Variants in KYNU observed in about 807,000 individuals in gnomAD.
The protein encoded by KYNU is L-kynurenine hydrolase.
KYNU carries 54 observed loss-of-function variants against 59.2 expected under a neutral mutation model. The ratio of observed to expected loss-of-function variants is 0.91; its 90% CI spans 0.73 to 1.14. KYNU has a LOEUF of 1.14. Among genes scored for constraint, KYNU ranks in the 50% most tolerant of loss-of-function variants. The pLI is 0.00. For missense variants in KYNU, 567 were observed against 554.4 expected, an observed-to-expected ratio of 1.02 and a Z score of -0.23; for synonymous variants, 177 against 192.0, an observed-to-expected ratio of 0.92 and a Z score of 0.65.
intron 2 of KYNU, among the ~76,000 whole-genome samples, chr2:142,892,923 C>A (rs1681758939): frequency 6.6e-6 from 1 of 152,158 alleles, no homozygotes; most frequent in Non-Finnish European, 1.5e-5. Flanking sequence ...AATGTGTGTG[C>A]ACTCTCCCTT....
At chr2:142,931,806 A>G (rs1402674017) in intron 4 of KYNU, among the ~76,000 whole-genome samples, 1 of 152,156 alleles carries the variant, frequency 6.6e-6, no homozygotes, top group Non-Finnish European at 1.5e-5. Context: ...AACCTACTTC[A>G]TATTTAGAGA....
At chr2:143,023,327 G>C (rs1686459692) in intron 10 of KYNU, among the ~76,000 whole-genome samples, 2 of 151,786 alleles carry the variant, frequency 1.3e-5, no homozygotes, top group Admixed American at 1.3e-4. Context: ...ATTATACTCA[G>C]ATACCATGGT....
At chr2:143,012,304 T>A (rs1029113136) in intron 10 of KYNU, among the ~76,000 whole-genome samples, 2 of 151,722 alleles carry the variant, frequency 1.3e-5, no homozygotes, top group African/African-American at 4.8e-5. Flanking sequence ...CAGTATGACA[T>A]AGCTCCATCT....
In KYNU at chr2:143,038,211, C is replaced by A. The variant is rs1686940950; in HGVS notation, c.1042-2217C>A. Among the ~76,000 whole-genome samples the A allele has an allele frequency of 1.3e-5, 2 of 152,098 alleles. 1 individual carries two copies. Among genetic ancestry groups the A allele is most frequent in the Admixed American group, 1.3e-4 (2 of 15,264 alleles). The stretch of plus-strand genomic sequence containing the variant: ...ACATATTAGGGCACCCATAGCATAA[C>A]CACAAAATTTCCTAGAATTATTTAT... On this transcript the variant is annotated intron_variant, in intron 12 of 13. Transcript: ENST00000264170.
At chr2:142,929,650 G>C (rs1383857040) in intron 4 of KYNU, among the ~76,000 whole-genome samples, 1 of 152,188 alleles carries the variant, frequency 6.6e-6, no homozygotes, top group Non-Finnish European at 1.5e-5. Context: ...GAGAGGAGGG[G>C]ACAGGCGCAC....
intron 2 of KYNU, among the ~76,000 whole-genome samples, chr2:142,895,648 G>A (rs949742450): frequency 2.6e-5 from 4 of 151,962 alleles, no homozygotes; most frequent in African/African-American, 7.3e-5. Flanking sequence ...AGATCAGATA[G>A]TAAATATTTC....
intron 10 of KYNU, among the ~76,000 whole-genome samples, chr2:142,995,329 T>C (rs777114098): frequency 2.6e-5 from 4 of 152,062 alleles, no homozygotes; most frequent in Middle Eastern, 3.2e-3. Context: ...ACTGGACATA[T>C]TAGAACAAGC....
chr2:143,039,023 C>A (rs892775142), intron 12 of KYNU, among the ~76,000 whole-genome samples: 5 of 152,188 alleles, frequency 3.3e-5, no homozygotes, highest in Admixed American at 3.3e-4. Context: ...GCCAGAAAAG[C>A]ACATCTGTTC....
chr2:142,927,992 A>G (rs1372861436), intron 4 of KYNU, among the ~76,000 whole-genome samples: 1 of 152,170 alleles, frequency 6.6e-6, no homozygotes, highest in African/African-American at 2.4e-5. Flanking sequence ...TTTAAATGTA[A>G]TATTTATCAC....
Position 142,879,932 on chromosome 2 carries a change from C to T in KYNU, c.-20+2196C>T, listed in dbSNP as rs192064388. On this transcript the variant is annotated intron_variant, in intron 1 of 13. Transcript: ENST00000264170. ...AGAGTTTAAAGTCACCTCCAATCAA[C>T]TCAAAGGGCTGACCTCCCAAAGAAA... Among the ~76,000 whole-genome samples, 1,158 of 151,710 alleles carry T rather than the reference C, an allele frequency of 7.6e-3. 13 individuals are homozygous for T. Among genetic ancestry groups the T allele is most frequent in the African/African-American group, 0.027 (1,114 of 41,362 alleles).
intron 2 of KYNU, among the ~76,000 whole-genome samples, chr2:142,900,655 C>T (rs2104944538): frequency 6.6e-6 from 1 of 152,278 alleles, no homozygotes; most frequent in Non-Finnish European, 1.5e-5. Flanking sequence ...TCTTAGTCGG[C>T]CTAGGAAATC....
At chr2:142,998,630 G>A (rs985114176) in intron 10 of KYNU, among the ~76,000 whole-genome samples, 1 of 152,088 alleles carries the variant, frequency 6.6e-6, no homozygotes, top group Non-Finnish European at 1.5e-5. Flanking sequence ...TTTGAAGAAA[G>A]GCAACTCCTT....
rs1332040911 is a variant in KYNU at position 142,918,648 on chromosome 2, A to G, written c.209A>G (p.Tyr70Cys). The change falls in exon 3 of 14, where the codon TAT becomes TGT. Residue 70 changes from tyrosine (Y) to cysteine (C), a missense_variant. Transcript: ENST00000264170. ...SLVNKDENAI[Y>C]FLGNSLGLQP... ...GTGAATAAAGATGAAAATGCCATCTATTTCTTGGGAAATTCTCTTGGCCTT... is the reference window on the plus strand; with the variant it reads ...GTGAATAAAGATGAAAATGCCATCTGTTTCTTGGGAAATTCTCTTGGCCTT... 3 of 1,607,766 alleles carry G rather than the reference A, an allele frequency of 1.9e-6. No homozygotes were observed. In the South Asian group the frequency reaches 3.3e-5, roughly 18 times the overall value.
intron 2 of KYNU, among the ~76,000 whole-genome samples, chr2:142,900,415 C>T (rs1275645155): frequency 6.6e-6 from 1 of 152,110 alleles, no homozygotes; most frequent in Non-Finnish European, 1.5e-5. Context: ...GGGAGGGGAC[C>T]CAAAGAGGGT....
intron 11 of KYNU, among the ~76,000 whole-genome samples, chr2:143,030,365 C>T (rs1303469047): frequency 6.6e-6 from 1 of 152,218 alleles, no homozygotes; most frequent in Non-Finnish European, 1.5e-5. Context: ...TTCTCAATCA[C>T]ATGGGATGCA....
chr2:142,986,614 A>G (rs960822), intron 10 of KYNU, among the ~76,000 whole-genome samples: 71,975 of 151,558 alleles, frequency 0.47, 17,735 homozygotes, highest in East Asian at 0.71. Flanking sequence ...AAATGCAAAT[A>G]TAATACACCA....
chr2:143,040,692 C>T, intron 13 of KYNU, 34 bp downstream of exon 13: 1 of 1,387,704 alleles, frequency 7.2e-7, no homozygotes, highest in Non-Finnish European at 1.0e-6. Flanking sequence ...CAGATTTTGT[C>T]TATGGGCCGC....
rs1687345619 is a variant in KYNU at position 143,055,819 on chromosome 2, A to G, written c.*13647A>G. The G allele has an allele frequency of 6.6e-6, 1 of 152,204 alleles. No individual in the cohort carries two copies. The highest frequency in any genetic ancestry group is 1.5e-5 in the Non-Finnish European group (1 of 68,032). The allele number at this position is 152,204 out of a possible 1,614,324, so 9.4% of individuals were successfully genotyped here. A position where few individuals can be genotyped will look rare whatever the true frequency, so the allele number is the denominator to read the frequency against. On this transcript the variant is annotated 3_prime_UTR_variant, in exon 14 of 14. Coordinates refer to ENST00000264170, the MANE Select transcript of KYNU (RefSeq NM_003937.3). The stretch of plus-strand genomic sequence containing the variant: ...TGTTAATGTTGGAAAATTTAATAAA[A>G]ACAATGAACAGTGATGACTTCGGTG...
chr2:142,887,163 C>T (rs1681545283), intron 2 of KYNU, among the ~76,000 whole-genome samples: 2 of 88,540 alleles, frequency 2.3e-5, no homozygotes, highest in South Asian at 9.8e-4. Context: ...GTCCGAGGCT[C>T]CATCTCAACA....
Sources: gnomAD v4.1 joint callset for allele counts (sites outside exome capture counted in the v4.1 genomes callset) on GRCh38, gnomAD v4.1.1 for gene constraint, MANE v1.5 for transcripts, NCBI Gene and HGNC (gene_info 2026-07-23, HGNC 2026-07-21) for gene names.